Variants in NCAM1 observed in about 807,000 individuals in gnomAD.
NCAM1 encodes neural cell adhesion molecule 1.
In NCAM1, 14 loss-of-function variants were observed where a neutral mutation model predicts 109.8. That is an observed-to-expected ratio of 0.13 (90% CI 0.08 to 0.20). The LOEUF is 0.20. NCAM1 is among the 10% of genes least tolerant of loss of function. The probability of loss-of-function intolerance (pLI) is 1.00; values close to 1 mark genes in which losing one functional copy is unlikely to be tolerated. For missense variants in NCAM1, 774 were observed against 1,109.9 expected, an observed-to-expected ratio of 0.70 and a Z score of 4.30; for synonymous variants, 418 against 442.9, an observed-to-expected ratio of 0.94 and a Z score of 0.70.
At chr11:113,243,461 C>G in intron 14 of NCAM1, 1 of 440,878 alleles carries the variant, frequency 2.3e-6, no homozygotes, top group Non-Finnish European at 4.6e-6. Context: ...ATCCAGGCTC[C>G]CCTTGGGTTG....
At chr11:112,972,415 C>T (rs782767376) in intron 1 of NCAM1, among the ~76,000 whole-genome samples, 7 of 151,942 alleles carry the variant, frequency 4.6e-5, no homozygotes, top group Admixed American at 2.6e-4. Context: ...GCCTATAATT[C>T]AGAAGGTAAT....
intron 1 of NCAM1, among the ~76,000 whole-genome samples, chr11:113,043,791 G>A (rs963565940): frequency 3.3e-5 from 5 of 152,000 alleles, no homozygotes; most frequent in Admixed American, 2.6e-4. Context: ...ATCTCCTTAC[G>A]CCCCAGTCAT....
intron 1 of NCAM1, among the ~76,000 whole-genome samples, chr11:112,989,083 TG>T (rs782369630): frequency 6.6e-5 from 10 of 152,264 alleles, no homozygotes; most frequent in African/African-American, 9.6e-5. Context: ...TGCCTCGGAA[TG>T]TTCTTCTTTG....
intron 1 of NCAM1, among the ~76,000 whole-genome samples, chr11:113,076,869 T>G (rs17114749): frequency 0.031 from 4,747 of 152,312 alleles, 363 homozygotes; most frequent in Admixed American, 0.13. Flanking sequence ...AATGTAACAT[T>G]GGCACTGAAT....
intron 1 of NCAM1, among the ~76,000 whole-genome samples, chr11:113,171,205 A>T (rs994026289): frequency 6.6e-6 from 1 of 152,230 alleles, no homozygotes; most frequent in Non-Finnish European, 1.5e-5. Context: ...ACATTAAACA[A>T]TTTGTGCCAA....
chr11:113,067,726 G>T (rs1038665139), intron 1 of NCAM1, among the ~76,000 whole-genome samples: 1 of 151,972 alleles, frequency 6.6e-6, no homozygotes, highest in Admixed American at 6.6e-5. Flanking sequence ...ATTGCATTTT[G>T]CAAAACATGT....
At chr11:113,064,864 G>C (rs1937872900) in intron 1 of NCAM1, among the ~76,000 whole-genome samples, 2 of 152,088 alleles carry the variant, frequency 1.3e-5, no homozygotes, top group South Asian at 4.1e-4. Flanking sequence ...TATAGATCAA[G>C]ATGGTTTCAT....
chr11:113,030,972 C>T (rs1555078245), intron 1 of NCAM1, among the ~76,000 whole-genome samples: 1 of 152,144 alleles, frequency 6.6e-6, no homozygotes, highest in Non-Finnish European at 1.5e-5. Flanking sequence ...CTTAAGGATA[C>T]TATCATAGTC....
Position 113,203,328 on chromosome 11 carries a change from A to T in NCAM1, c.127+875A>T, listed in dbSNP as rs116903537. On this transcript the variant is annotated intron_variant, in intron 2 of 19. Coordinates refer to ENST00000316851, the MANE Select transcript of NCAM1 (RefSeq NM_181351.5). ...TTACAGCAATTTCAATGATCTGGAGACGCAGCCGTGGAGCCCACAGCACAT... is the reference window on the plus strand; with the variant it reads ...TTACAGCAATTTCAATGATCTGGAGTCGCAGCCGTGGAGCCCACAGCACAT... 7.6e-4 allele frequency among the ~76,000 whole-genome samples: 116 copies of T among 152,294 alleles called. No homozygotes were observed. The East Asian group carries it at 0.017, about 22-fold the overall frequency.
rs138766642 is a variant in NCAM1 at position 113,117,468 on chromosome 11, C to G, written c.53-84911C>G. ...CCTACCTTCCCGTCCCCCACTAATC[C>G]CCGCAGCTCAGACCAACTATTTGTG... is the stretch of plus-strand genomic sequence containing the variant. On this transcript the variant is annotated intron_variant, in intron 1 of 19. Transcript: ENST00000316851. Among the ~76,000 whole-genome samples, 114 of 152,048 alleles carry G rather than the reference C, an allele frequency of 7.5e-4. 2 individuals carry two copies. Among genetic ancestry groups the G allele is most frequent in the African/African-American group, 2.6e-3 (108 of 41,338 alleles).
At chr11:113,163,396 T>C (rs1252742929) in intron 1 of NCAM1, among the ~76,000 whole-genome samples, 4 of 152,228 alleles carry the variant, frequency 2.6e-5, no homozygotes, top group Non-Finnish European at 5.9e-5. Context: ...ACCTTTTTCT[T>C]CACCCAGGGG....
In NCAM1 at chr11:113,273,529, C is replaced by G. The variant is rs559311467; in HGVS notation, c.2456+1653C>G. Reference sequence around the variant, plus strand: ...GAGGCAGCCACAGCCCTTGCTAGCCCGAAGAGCGAGGCTGCCTCCGTCAGC... The same window carrying G: ...GAGGCAGCCACAGCCCTTGCTAGCCGGAAGAGCGAGGCTGCCTCCGTCAGC... On this transcript the variant is annotated intron_variant, in intron 19 of 19. Transcript: ENST00000316851. This position sits in a 1 kb window ranked among gnomAD's most constrained non-coding sequence, Gnocchi z 6.0. 1 of 355,496 alleles carries G rather than the reference C, an allele frequency of 2.8e-6. No individual in the cohort carries two copies. The highest frequency in any genetic ancestry group is 3.2e-5 in the Admixed American group (1 of 31,242). 22.0% of individuals were successfully genotyped at this position (355,496 alleles called of 1,614,324 possible). A position where few individuals can be genotyped will look rare whatever the true frequency, so the allele number is the denominator to read the frequency against.
intron 1 of NCAM1, among the ~76,000 whole-genome samples, chr11:113,140,835 T>C (rs1449597813): frequency 6.6e-6 from 1 of 152,202 alleles, no homozygotes; most frequent in Non-Finnish European, 1.5e-5. Flanking sequence ...CAAGGCACAG[T>C]ATATACTAAA....
chr11:113,142,552 A>T (rs1941866644), intron 1 of NCAM1, among the ~76,000 whole-genome samples: 1 of 152,148 alleles, frequency 6.6e-6, no homozygotes, highest in African/African-American at 2.4e-5. Flanking sequence ...ATGCTCCTTT[A>T]ACAACCCAGG....
At chr11:113,161,532 G>A (rs1200341600) in intron 1 of NCAM1, among the ~76,000 whole-genome samples, 1 of 152,130 alleles carries the variant, frequency 6.6e-6, no homozygotes, top group Non-Finnish European at 1.5e-5. Flanking sequence ...TTTTTGGACA[G>A]TTTATTCCTG....
intron 1 of NCAM1, among the ~76,000 whole-genome samples, chr11:113,079,771 T>G (rs1555086835): frequency 6.6e-6 from 1 of 152,242 alleles, no homozygotes; most frequent in African/African-American, 2.4e-5. Flanking sequence ...TGTTTCACAG[T>G]GGCTGAAAAC....
chr11:113,160,643 T>C (rs1220416981), intron 1 of NCAM1, among the ~76,000 whole-genome samples: 11 of 152,204 alleles, frequency 7.2e-5, no homozygotes, highest in Non-Finnish European at 1.5e-4. Context: ...CACTTTTGCA[T>C]CAGAAACTGC....
At chr11:113,029,757 A>G (rs925280321) in intron 1 of NCAM1, among the ~76,000 whole-genome samples, 1 of 152,244 alleles carries the variant, frequency 6.6e-6, no homozygotes, top group African/African-American at 2.4e-5. Flanking sequence ...ACCACATTAC[A>G]TGTATTAATT....
At chr11:113,202,157 C>T (rs1422796678) in intron 1 of NCAM1, among the ~76,000 whole-genome samples, 1 of 152,302 alleles carries the variant, frequency 6.6e-6, no homozygotes, top group East Asian at 1.9e-4. Context: ...ATGGTCTGGG[C>T]CGTGTCTCTC....
Sources: allele counts gnomAD v4.1 joint callset (sites outside exome capture counted in the v4.1 genomes callset), GRCh38; gene constraint gnomAD v4.1.1; non-coding constraint Gnocchi (gnomAD v3.1); transcripts MANE v1.5; gene names NCBI Gene and HGNC (gene_info 2026-07-23, HGNC 2026-07-21).